The following SCRG1 variants were observed in gnomAD, a reference collection of about 807,000 sequenced individuals.
SCRG1 encodes the protein stimulator of chondrogenesis 1, also known as scrapie-responsive protein 1.
SCRG1 carries 3 observed loss-of-function variants against 7.7 expected under a neutral mutation model. That is an observed-to-expected ratio of 0.39 (90% confidence interval 0.18 to 1.01). SCRG1 has a LOEUF of 1.01. Among genes scored for constraint, SCRG1 ranks in the 50% least tolerant of loss-of-function variants. The pLI is 0.36. For synonymous variants in SCRG1, 46 were observed against 41.2 expected (o/e 1.12, Z -0.44); for missense variants, 110 against 117.2 (o/e 0.94, Z 0.28).
the SCRG1 span, among the ~76,000 whole-genome samples, chr4:173,429,831 AT>A: frequency 6.6e-6 from 1 of 152,360 alleles, no homozygotes; most frequent in East Asian, 1.9e-4. Context: ...AAGAACAAAA[AT>A]GTTCAAAGTA....
chr4:173,403,310 C>T (rs997288221), upstream of SCRG1: 3 of 152,052 alleles, frequency 2.0e-5, no homozygotes, highest in African/African-American at 4.8e-5. Flanking sequence ...AATGCAATTT[C>T]GATGGTATGA....
the SCRG1 span, among the ~76,000 whole-genome samples, chr4:173,498,665 T>G: frequency 6.6e-6 from 1 of 152,170 alleles, no homozygotes; most frequent in African/African-American, 2.4e-5. Flanking sequence ...GAACATGAGA[T>G]TAGAAATCAG....
At chr4:173,489,802 G>A in the SCRG1 span, among the ~76,000 whole-genome samples, 2 of 152,164 alleles carry the variant, frequency 1.3e-5, no homozygotes, top group African/African-American at 4.8e-5. Context: ...AATGCCATTG[G>A]AATGCAAAAC....
chr4:173,497,329 A>G, the SCRG1 span, among the ~76,000 whole-genome samples: 4 of 152,032 alleles, frequency 2.6e-5, no homozygotes, highest in African/African-American at 9.7e-5. Context: ...CTCACTGCCT[A>G]CCTATGGTCC....
rs904898906 is a variant in SCRG1 at position 173,384,823 on chromosome 4, T to C, written c.*3518A>G. Reference sequence around the variant, plus strand: ...GAACAATGATATAGAAAGTCAAAGATAACAATACAGAAATACTTGTTCAGT... The same window carrying C: ...GAACAATGATATAGAAAGTCAAAGACAACAATACAGAAATACTTGTTCAGT... On this transcript the variant is annotated 3_prime_UTR_variant, in exon 3 of 3. Coordinates refer to ENST00000296506, the MANE Select transcript of SCRG1 (RefSeq NM_007281.4). 5.0e-4 allele frequency: 76 copies of C among 152,190 alleles called. No individual in the cohort carries two copies. Among genetic ancestry groups the C allele is most frequent in the African/African-American group, 1.8e-3 (74 of 41,452 alleles). The allele number at this position is 152,190 out of a possible 1,614,324, so 9.4% of individuals were successfully genotyped here. A position where few individuals can be genotyped will look rare whatever the true frequency, so the allele number is the denominator to read the frequency against.
At chr4:173,390,720 C>G (rs1739410896) in intron 2 of SCRG1, among the ~76,000 whole-genome samples, 1 of 152,104 alleles carries the variant, frequency 6.6e-6, no homozygotes, top group African/African-American at 2.4e-5. Flanking sequence ...AACTCCTGAC[C>G]TCAGGTGATC....
the SCRG1 span, chr4:173,420,153 C>G: frequency 2.0e-6 from 1 of 508,536 alleles, no homozygotes; most frequent in Middle Eastern, 6.7e-4. Flanking sequence ...AGAACAGAGA[C>G]CCACATCCGT....
At chr4:173,484,258 T>C in the SCRG1 span, among the ~76,000 whole-genome samples, 2 of 80,022 alleles carry the variant, frequency 2.5e-5, no homozygotes, top group Admixed American at 2.3e-4. Flanking sequence ...ATTTTCTATA[T>C]AATATATATT....
chr4:173,484,118 A>T, the SCRG1 span, among the ~76,000 whole-genome samples: 5 of 72,842 alleles, frequency 6.9e-5, no homozygotes, highest in African/African-American at 2.6e-4. Flanking sequence ...AATATATAAT[A>T]TACAATATAT....
chr4:173,484,458 A>T, the SCRG1 span, among the ~76,000 whole-genome samples: 6,045 of 27,562 alleles, frequency 0.22, 1,336 homozygotes, highest in Non-Finnish European at 0.31. Flanking sequence ...AATATATATT[A>T]TATACATATA....
At chr4:173,514,391 GA>G in the SCRG1 span, among the ~76,000 whole-genome samples, 8 of 152,178 alleles carry the variant, frequency 5.3e-5, no homozygotes, top group Non-Finnish European at 5.9e-5. Context: ...TTGTTACTAA[GA>G]GGACAAGACC....
chr4:173,484,778 TATAC>T, the SCRG1 span, among the ~76,000 whole-genome samples: 6 of 91,616 alleles, frequency 6.5e-5, no homozygotes, highest in Non-Finnish European at 1.1e-4. Context: ...TTATATATTA[TATAC>T]ATGTAATACA....
At chr4:173,403,224 G>A (rs562037979), upstream of SCRG1, 2 of 152,284 alleles carry the variant, frequency 1.3e-5, no homozygotes, top group South Asian at 4.1e-4. Flanking sequence ...TCACCAAGTA[G>A]CTGTTGTGTA....
the SCRG1 span, among the ~76,000 whole-genome samples, chr4:173,479,435 GTTTTTTTGTTT>G: frequency 1.6e-5 from 2 of 125,930 alleles, no homozygotes; most frequent in South Asian, 2.8e-4. Context: ...TTGTTTGTTT[GTTTTTTTGTTT>G]TTTTTTTTTT....
the SCRG1 span, among the ~76,000 whole-genome samples, chr4:173,487,914 C>T: frequency 6.6e-6 from 1 of 151,804 alleles, no homozygotes; most frequent in South Asian, 2.1e-4. Context: ...TCATCCTGGG[C>T]AACATGGTGA....
At chr4:173,484,714 T>TTATATATTATATGCATATAATACA in the SCRG1 span, among the ~76,000 whole-genome samples, 1 of 89,712 alleles carries the variant, frequency 1.1e-5, no homozygotes, top group Non-Finnish European at 1.8e-5. Flanking sequence ...ATAATACATA[T>TTATATATTATATGCATATAATACA]TATATATTAT....
the SCRG1 span, among the ~76,000 whole-genome samples, chr4:173,512,681 T>G: frequency 6.6e-6 from 1 of 152,180 alleles, no homozygotes; most frequent in Non-Finnish European, 1.5e-5. Context: ...CCCCCATCCC[T>G]GGCAAGGGAC....
upstream of SCRG1, among the ~76,000 whole-genome samples, chr4:173,408,508 A>G (rs1739968042): frequency 6.6e-6 from 1 of 152,188 alleles, no homozygotes; most frequent in African/African-American, 2.4e-5. Context: ...AGATTTAACA[A>G]TTTTAAGTGA....
the SCRG1 span, among the ~76,000 whole-genome samples, chr4:173,418,146 A>G: frequency 2.6e-5 from 4 of 152,192 alleles, no homozygotes; most frequent in African/African-American, 9.7e-5. Flanking sequence ...TTTGTTCACA[A>G]TTACTCATTC....
Sources: allele counts gnomAD v4.1 joint callset (sites outside exome capture counted in the v4.1 genomes callset), GRCh38; gene constraint gnomAD v4.1.1; transcripts MANE v1.5; gene names NCBI Gene and HGNC (gene_info 2026-07-23, HGNC 2026-07-21).